Variants in PXDN observed in about 807,000 individuals in gnomAD.
PXDN encodes peroxidasin, also known as peroxidasin homolog.
A neutral mutation model predicts 140.3 loss-of-function variants in PXDN; 77 were observed. The observed-to-expected ratio is 0.55, with a 90% CI of 0.46 to 0.66. PXDN has a LOEUF of 0.66. Ranked by LOEUF, PXDN falls within the 30% of genes least tolerant of loss-of-function variation. The pLI is 0.00. For synonymous variants in PXDN, 911 were observed against 857.4 expected, an observed-to-expected ratio of 1.06 and a Z score of -1.09; for missense variants, 1,838 against 2,039.5, an observed-to-expected ratio of 0.90 and a Z score of 1.90.
chr2:1,712,891 A>AT (rs1465025750), intron 1 of PXDN, among the ~76,000 whole-genome samples: 2 of 151,910 alleles, frequency 1.3e-5, no homozygotes, highest in African/African-American at 4.8e-5. Context: ...GGCCTGGCTG[A>AT]TTTTTTGTAT....
intron 1 of PXDN, among the ~76,000 whole-genome samples, chr2:1,729,204 C>A (rs1211886668): frequency 6.6e-6 from 1 of 152,110 alleles, no homozygotes; most frequent in Admixed American, 6.6e-5. Flanking sequence ...CAGGGCATAC[C>A]GAAAATCAAA....
intron 11 of PXDN, 177 bp downstream of exon 11, chr2:1,664,781 G>A (rs1683391833): frequency 3.4e-6 from 2 of 586,506 alleles, no homozygotes; most frequent in Non-Finnish European, 6.0e-6. Context: ...GCATGGACAG[G>A]AAGCCGCGGG....
intron 1 of PXDN, among the ~76,000 whole-genome samples, chr2:1,722,165 C>T (rs187551588): frequency 3.4e-4 from 52 of 152,300 alleles, no homozygotes; most frequent in Admixed American, 3.0e-3. Context: ...TCTGAGCGAG[C>T]GGACACAAAA....
At chr2:1,661,394 G>A (rs1028746809) in intron 13 of PXDN, among the ~76,000 whole-genome samples, 1 of 152,208 alleles carries the variant, frequency 6.6e-6, no homozygotes, top group African/African-American at 2.4e-5. Flanking sequence ...GAAAGAGAGG[G>A]CACTGGCGCC....
At chr2:1,686,210 C>A (rs1684052929) in intron 4 of PXDN, among the ~76,000 whole-genome samples, 1 of 152,220 alleles carries the variant, frequency 6.6e-6, no homozygotes, top group African/African-American at 2.4e-5. Flanking sequence ...CCAACAGCTC[C>A]CTGCCCGAGG....
intron 14 of PXDN, among the ~76,000 whole-genome samples, chr2:1,657,527 A>T (rs78499113): frequency 0.1 from 15,190 of 150,712 alleles, 979 homozygotes; most frequent in East Asian, 0.22. Flanking sequence ...CCCCCTCCTG[A>T]CTGGGACCTG....
At chr2:1,666,163 G>A (rs2125428003) in intron 10 of PXDN, 51 bp downstream of exon 10, 1 of 1,596,476 alleles carries the variant, frequency 6.3e-7, no homozygotes, top group East Asian at 2.2e-5. Flanking sequence ...GCTAGTGGAG[G>A]GGTGAGGATG....
intron 1 of PXDN, among the ~76,000 whole-genome samples, chr2:1,743,310 C>G (rs1685590949): frequency 6.6e-6 from 1 of 152,206 alleles, no homozygotes; most frequent in South Asian, 2.1e-4. Flanking sequence ...GGATTAGAAG[C>G]GAAAGAAGAG....
intron 19 of PXDN, among the ~76,000 whole-genome samples, chr2:1,640,556 T>A (rs1391674047): frequency 1.3e-5 from 2 of 152,222 alleles, no homozygotes; most frequent in Non-Finnish European, 2.9e-5. Flanking sequence ...CCACTGAATG[T>A]GTTTATTTCC....
intron 9 of PXDN, chr2:1,669,665 C>A (rs1683530528): frequency 6.6e-6 from 1 of 152,022 alleles, no homozygotes; most frequent in South Asian, 2.1e-4. Context: ...CATGGCGAAA[C>A]CCTGCCTCTA....
In PXDN at chr2:1,650,482, G is replaced by C. The variant is rs374585964; in HGVS notation, c.2105-807C>G. ...TAGCCTGGGCCATCACTCCACAGATGAAAGAGATCTTCCTAAGTTCAGATC... is the reference window on the plus strand; with the variant it reads ...TAGCCTGGGCCATCACTCCACAGATCAAAGAGATCTTCCTAAGTTCAGATC... On this transcript the variant is annotated intron_variant, in intron 16 of 22. Coordinates refer to ENST00000252804, the MANE Select transcript of PXDN (RefSeq NM_012293.3). Among the ~76,000 whole-genome samples, 68 of 152,294 alleles carry C rather than the reference G, an allele frequency of 4.5e-4. 1 individual carries two copies. The East Asian group carries it at 9.1e-3, about 20-fold the overall frequency.
In PXDN at chr2:1,664,794, A is replaced by G. The variant is rs890055; in HGVS notation, c.1408+164T>C. 0.75 allele frequency: 454,916 copies of G among 608,314 alleles called. 172,780 individuals carry two copies. Among genetic ancestry groups the G allele is most frequent in the East Asian group, 0.98 (35,356 of 36,022 alleles). The allele number at this position is 608,314 out of a possible 1,614,324, so 37.7% of individuals were successfully genotyped here. ...ATGCATGGACAGGAAGCCGCGGGGG[A>G]TGTGCAGACACCTCTGCGCTTCCCA... On this transcript the variant is annotated intron_variant, in intron 11 of 22. Coordinates refer to ENST00000252804, the MANE Select transcript of PXDN (RefSeq NM_012293.3).
rs561747472 is a variant in PXDN, at chr2:1,719,063, C to T, written c.200+25193G>A. ...GGGCACAGCAGCCGAGCTGAGACGC[C>T]AGGGGCCAGGGGCTGGCTGCACTGG... On this transcript the variant is annotated intron_variant, in intron 1 of 22. Transcript: ENST00000252804. 2.3e-3 allele frequency among the ~76,000 whole-genome samples: 349 copies of T among 152,370 alleles called. 8 individuals are homozygous for T. Among genetic ancestry groups the T allele is most frequent in the Admixed American group, 0.019 (284 of 15,304 alleles).
chr2:1,729,031 G>A (rs1329108919), intron 1 of PXDN, among the ~76,000 whole-genome samples: 1 of 59,644 alleles, frequency 1.7e-5, no homozygotes, highest in Admixed American at 2.4e-4. Flanking sequence ...TCCCAGTGCG[G>A]GGCCCGGTGT....
chr2:1,683,667 A>G lies in PXDN; in HGVS notation c.549T>C (p.Ser183=). 3 of 1,604,294 alleles carry G rather than the reference A, an allele frequency of 1.9e-6. No individual in the cohort carries two copies. Among genetic ancestry groups the G allele is most frequent in the Non-Finnish European group, 2.6e-6 (3 of 1,175,124 alleles). Residue 183 remains serine (S), a synonymous_variant, in exon 6 of 23, where the codon TCT becomes TCC. Transcript: ENST00000252804. ...LVPGTFNHLE[S]MKRLRLDSNT... ...GGTTTTATACTCACAATCTCTTCAT[A>G]GATTCCAAGTGATTAAATGTCCCTG...
At chr2:1,742,409 T>C (rs1246959512) in intron 1 of PXDN, among the ~76,000 whole-genome samples, 2 of 152,196 alleles carry the variant, frequency 1.3e-5, no homozygotes, top group Non-Finnish European at 2.9e-5. Flanking sequence ...TGAGGAAGTG[T>C]TGTGCGAGTG....
chr2:1,672,576 A>T (rs1165647607), intron 9 of PXDN, among the ~76,000 whole-genome samples: 1 of 152,228 alleles, frequency 6.6e-6, no homozygotes, highest in African/African-American at 2.4e-5. Context: ...AACATGTGGA[A>T]CGTTGTTTGA....
At chr2:1,725,669 A>G (rs1685162336) in intron 1 of PXDN, among the ~76,000 whole-genome samples, 1 of 152,244 alleles carries the variant, frequency 6.6e-6, no homozygotes, top group Non-Finnish European at 1.5e-5. Context: ...AATTTTCGCG[A>G]CCTACTCTTC....
At chr2:1,738,851 C>A (rs1685476001) in intron 1 of PXDN, among the ~76,000 whole-genome samples, 2 of 152,208 alleles carry the variant, frequency 1.3e-5, no homozygotes, top group Non-Finnish European at 2.9e-5. Context: ...CCAGCCTGAT[C>A]TTCCAACTCT....
Sources: allele counts gnomAD v4.1 joint callset (sites outside exome capture counted in the v4.1 genomes callset), GRCh38; gene constraint gnomAD v4.1.1; transcripts MANE v1.5; gene names NCBI Gene and HGNC (gene_info 2026-07-23, HGNC 2026-07-21).